The following BEAN1 variants were observed in gnomAD, a reference collection of about 807,000 sequenced individuals.
BEAN1 encodes brain expressed associated with NEDD4 1, also known as protein BEAN1.
A neutral mutation model predicts 17.7 loss-of-function variants in BEAN1; 17 were observed. The ratio of observed to expected loss-of-function variants is 0.96; its 90% CI spans 0.66 to 1.44. The LOEUF is 1.44. BEAN1 is among the 40% of genes most tolerant of loss of function. The probability of loss-of-function intolerance (pLI) is 0.00; values close to 1 mark genes in which losing one functional copy is unlikely to be tolerated. For synonymous variants in BEAN1, 142 were observed against 151.8 expected (o/e 0.94, Z 0.47); for missense variants, 359 against 374.1 (o/e 0.96, Z 0.33).
At chr16:66,429,462 G>C (rs1961711912) in intron 1 of BEAN1, among the ~76,000 whole-genome samples, 1 of 152,142 alleles carries the variant, frequency 6.6e-6, no homozygotes, top group Non-Finnish European at 1.5e-5. Flanking sequence ...GCAAGGAGCG[G>C]GTGGGCGGGC....
chr16:66,491,761 A>G (rs1964178709), intron 4 of BEAN1, among the ~76,000 whole-genome samples: 1 of 152,164 alleles, frequency 6.6e-6, no homozygotes. Flanking sequence ...ACAGTTCACA[A>G]TAGGGTTCCA....
Position 66,482,254 on chromosome 16 carries a change from C to T in BEAN1, c.*1329C>T, listed in dbSNP as rs1397115620. The T allele has an allele frequency of 6.5e-6, 1 of 153,510 alleles. No individual in the cohort carries two copies. Among genetic ancestry groups the T allele is most frequent in the African/African-American group, 2.4e-5 (1 of 41,440 alleles). The allele number at this position is 153,510 out of a possible 1,614,324, so 9.5% of individuals were successfully genotyped here. On this transcript the variant is annotated 3_prime_UTR_variant, in exon 5 of 5. Coordinates refer to ENST00000536005, the MANE Select transcript of BEAN1 (RefSeq NM_001178020.3). Reference sequence around the variant, plus strand: ...ATCGCCAGCGGCCATCACTCTGCCTCCCTCCCACCTCTTGTCCCTCGTCGT... The same window carrying T: ...ATCGCCAGCGGCCATCACTCTGCCTTCCTCCCACCTCTTGTCCCTCGTCGT...
intron 2 of BEAN1, 170 bp downstream of exon 2, chr16:66,437,871 G>A (rs897922987): frequency 2.7e-5 from 23 of 841,208 alleles, no homozygotes; most frequent in Admixed American, 8.2e-5. Context: ...GACCCCTGAC[G>A]TCTGCAAGAT....
intron 2 of BEAN1, among the ~76,000 whole-genome samples, chr16:66,441,672 TG>T (rs1456892476): frequency 6.6e-6 from 1 of 152,090 alleles, no homozygotes; most frequent in African/African-American, 2.4e-5. Flanking sequence ...TAGGAGTCAG[TG>T]CACGTGAGGT....
chr16:66,431,278 C>T (rs531664845), intron 1 of BEAN1, among the ~76,000 whole-genome samples: 57 of 152,288 alleles, frequency 3.7e-4, no homozygotes, highest in African/African-American at 1.3e-3. Context: ...CTAGGCAACC[C>T]TGGCTCTTGA....
At chr16:66,438,090 T>C in intron 2 of BEAN1, 1 of 299,244 alleles carries the variant, frequency 3.3e-6, no homozygotes, top group Non-Finnish European at 6.5e-6. Context: ...GAGCTTTTAA[T>C]ATGGTGATGT....
chr16:66,433,548 GC>G (rs967214690), intron 1 of BEAN1, among the ~76,000 whole-genome samples: 1 of 151,962 alleles, frequency 6.6e-6, no homozygotes, highest in African/African-American at 2.4e-5. Flanking sequence ...CTCACCTGGC[GC>G]CCCCTCCACC....
At chr16:66,430,190 G>A (rs866676723) in intron 1 of BEAN1, among the ~76,000 whole-genome samples, 13 of 152,254 alleles carry the variant, frequency 8.5e-5, no homozygotes, top group Admixed American at 2.6e-4. Context: ...AGAATAGTGT[G>A]AGGATGAAGA....
At chr16:66,449,148 T>A (rs1272635179) in intron 2 of BEAN1, among the ~76,000 whole-genome samples, 1 of 152,188 alleles carries the variant, frequency 6.6e-6, no homozygotes, top group Non-Finnish European at 1.5e-5. Flanking sequence ...TTTTTGAATT[T>A]TATATATATG....
At chr16:66,440,096 A>G (rs1178196804) in intron 2 of BEAN1, among the ~76,000 whole-genome samples, 1 of 146,630 alleles carries the variant, frequency 6.8e-6, no homozygotes, top group Non-Finnish European at 1.5e-5. Flanking sequence ...TCCATTTCTC[A>G]GCTGCGTCTC....
At chr16:66,450,422 T>C (rs1411819480) in intron 2 of BEAN1, among the ~76,000 whole-genome samples, 1 of 152,140 alleles carries the variant, frequency 6.6e-6, no homozygotes, top group Non-Finnish European at 1.5e-5. Context: ...TGCAAAAATC[T>C]TTGCAGGATG....
intron 2 of BEAN1, among the ~76,000 whole-genome samples, chr16:66,444,239 C>G (rs1470694235): frequency 5.9e-5 from 9 of 152,200 alleles, no homozygotes; most frequent in African/African-American, 2.2e-4. Context: ...TTCCCCAGAG[C>G]TCCCTTTGTT....
rs1464656669 is a variant in BEAN1 at position 66,434,217 on chromosome 16, G to A, written c.-82-3378G>A. 2.0e-5 allele frequency among the ~76,000 whole-genome samples: 1 copy of A among 50,062 alleles called. No individual in the cohort carries two copies. The highest frequency in any genetic ancestry group is 6.8e-5 in the African/African-American group (1 of 14,656). The allele number at this position is 50,062 out of a possible 152,430, so 32.8% of individuals were successfully genotyped here. A position where few individuals can be genotyped will look rare whatever the true frequency, so the allele number is the denominator to read the frequency against. On this transcript the variant is annotated intron_variant, in intron 1 of 4. Coordinates refer to ENST00000536005, the MANE Select transcript of BEAN1 (RefSeq NM_001178020.3). This position sits in a 1 kb window ranked among gnomAD's most constrained non-coding sequence, Gnocchi z 4.3. ...CTGGGGTGGGCCTGCCCCCGACCCCGACCCCAACCCCGACCCCGACCCCTG... is the reference window on the plus strand; with the variant it reads ...CTGGGGTGGGCCTGCCCCCGACCCCAACCCCAACCCCGACCCCGACCCCTG...
At chr16:66,447,925 A>G (rs895347461) in intron 2 of BEAN1, among the ~76,000 whole-genome samples, 3 of 152,234 alleles carry the variant, frequency 2.0e-5, no homozygotes, top group Non-Finnish European at 4.4e-5. Flanking sequence ...ATAAATGTGG[A>G]AAATGCCCCA....
At chr16:66,491,422 A>G (rs1435814261) in intron 4 of BEAN1, among the ~76,000 whole-genome samples, 2 of 152,200 alleles carry the variant, frequency 1.3e-5, no homozygotes, top group East Asian at 3.9e-4. Flanking sequence ...GGATTCAGCC[A>G]GGGGTTGGGG....
At chr16:66,438,225 A>C (rs1305777229) in intron 2 of BEAN1, among the ~76,000 whole-genome samples, 1 of 152,144 alleles carries the variant, frequency 6.6e-6, no homozygotes, top group Non-Finnish European at 1.5e-5. Context: ...CTCTACTAAA[A>C]ATACAAACAT....
chr16:66,451,427 C>T (rs1488844389), intron 2 of BEAN1: 1 of 152,202 alleles, frequency 6.6e-6, no homozygotes, highest in Non-Finnish European at 1.5e-5. Flanking sequence ...CAAACTCCAA[C>T]CAAAGTTTTT....
chr16:66,437,112 A>G (rs193267163), intron 1 of BEAN1, among the ~76,000 whole-genome samples: 1 of 152,048 alleles, frequency 6.6e-6, no homozygotes, highest in Non-Finnish European at 1.5e-5. Context: ...GGGTAATAAT[A>G]ATAATAATAA....
chr16:66,434,071 C>T lies in BEAN1; in HGVS notation c.-82-3524C>T, dbSNP rs1056862999. ...TTCAAAGCCTGGAGTGCCACCAGCC[C>T]GCCCTCGAGTTCCCAGCCAGACAAT... On this transcript the variant is annotated intron_variant, in intron 1 of 4. Coordinates refer to ENST00000536005, the MANE Select transcript of BEAN1 (RefSeq NM_001178020.3). The surrounding 1 kb of genome is among the most constrained non-coding windows in gnomAD (Gnocchi z 4.3). 2.6e-5 allele frequency among the ~76,000 whole-genome samples: 4 copies of T among 152,314 alleles called. No homozygotes were observed. Among genetic ancestry groups the T allele is most frequent in the South Asian group, 2.1e-4 (1 of 4,832 alleles).
Sources: gnomAD v4.1 joint callset for allele counts (sites outside exome capture counted in the v4.1 genomes callset) on GRCh38, gnomAD v4.1.1 for gene constraint, Gnocchi (gnomAD v3.1) non-coding constraint, MANE v1.5 for transcripts, NCBI Gene and HGNC (gene_info 2026-07-23, HGNC 2026-07-21) for gene names.